DCAF6: variants seen among roughly 807,000 people sequenced by gnomAD.
DCAF6 encodes DDB1 and CUL4 associated factor 6.
DCAF6 carries 54 observed loss-of-function variants against 125.1 expected under a neutral mutation model. The ratio of observed to expected loss-of-function variants is 0.43; its 90% CI spans 0.35 to 0.54. The LOEUF is 0.54. DCAF6 is among the 20% of genes least tolerant of loss of function. The pLI is 0.01. For missense variants in DCAF6, 934 were observed against 1,161.7 expected (o/e 0.80, Z 2.85); for synonymous variants, 371 against 390.4 (o/e 0.95, Z 0.58).
chr1:167,978,894 C>T (rs780281651), intron 4 of DCAF6, among the ~76,000 whole-genome samples: 1 of 152,016 alleles, frequency 6.6e-6, no homozygotes, highest in Non-Finnish European at 1.5e-5. Flanking sequence ...TGGGCTCAAG[C>T]GATCCTCCTG....
intron 18 of DCAF6, among the ~76,000 whole-genome samples, chr1:168,064,726 T>G (rs1692111299): frequency 6.6e-6 from 1 of 152,166 alleles, no homozygotes; most frequent in Non-Finnish European, 1.5e-5. Context: ...GTAGCTCAGA[T>G]AACAATAAAA....
chr1:167,966,047 A>G (rs1227013702), intron 2 of DCAF6, among the ~76,000 whole-genome samples: 1 of 152,160 alleles, frequency 6.6e-6, no homozygotes, highest in African/African-American at 2.4e-5. Context: ...GTTTCTGCTC[A>G]TGAGTCTGTG....
intron 1 of DCAF6, among the ~76,000 whole-genome samples, chr1:167,945,506 T>C (rs2102664557): frequency 6.6e-6 from 1 of 152,300 alleles, no homozygotes; most frequent in South Asian, 2.1e-4. Flanking sequence ...TTTTTTTCTT[T>C]TTTGAGACGG....
intron 10 of DCAF6, among the ~76,000 whole-genome samples, chr1:168,005,030 G>C (rs1683156309): frequency 6.6e-6 from 1 of 152,056 alleles, no homozygotes; most frequent in Non-Finnish European, 1.5e-5. Flanking sequence ...AAAAGTACAA[G>C]TACCAAAAGA....
At chr1:167,874,869 A>G in the DCAF6 span, among the ~76,000 whole-genome samples, 2 of 152,258 alleles carry the variant, frequency 1.3e-5, no homozygotes, top group Non-Finnish European at 1.5e-5. Context: ...TATAAGCCGT[A>G]TATAATTATA....
At chr1:168,051,618 G>A (rs1689950577) in intron 17 of DCAF6, among the ~76,000 whole-genome samples, 1 of 152,124 alleles carries the variant, frequency 6.6e-6, no homozygotes, top group African/African-American at 2.4e-5. Context: ...AGTTGAACAT[G>A]AAACATATAG....
In DCAF6 at chr1:167,937,594, G is replaced by C. The variant is rs556950353; in HGVS notation, c.97+586G>C. On this transcript the variant is annotated intron_variant, in intron 1 of 21. Transcript: ENST00000367840. The stretch of plus-strand genomic sequence containing the variant: ...CCAGTTCCACTCTGCTCTTCAGTTC[G>C]TTTTGACCGCTTAAAGGTGGTGTAG... Among the ~76,000 whole-genome samples, 3 of 152,232 alleles carry C rather than the reference G, an allele frequency of 2.0e-5. No homozygotes were observed. The East Asian group carries it at 5.8e-4, about 29-fold the overall frequency.
At chr1:167,884,143 G>A in the DCAF6 span, among the ~76,000 whole-genome samples, 1 of 152,096 alleles carries the variant, frequency 6.6e-6, no homozygotes, top group South Asian at 2.1e-4. Context: ...TAAAATGTAT[G>A]GTTGTATTAG....
At chr1:168,044,398 G>T (rs1688901906) in intron 14 of DCAF6, among the ~76,000 whole-genome samples, 187 bp from the exon 15 acceptor site, 1 of 152,132 alleles carries the variant, frequency 6.6e-6, no homozygotes, top group South Asian at 2.1e-4. Context: ...CATTTACATT[G>T]CATTAGGTAT....
chr1:167,901,127 G>A, the DCAF6 span, among the ~76,000 whole-genome samples: 1 of 152,098 alleles, frequency 6.6e-6, no homozygotes, highest in South Asian at 2.1e-4. Context: ...TGTAATGTCT[G>A]CAATGTAATA....
At chr1:167,998,085 C>T (rs1251380308) in intron 7 of DCAF6, among the ~76,000 whole-genome samples, 1 of 152,120 alleles carries the variant, frequency 6.6e-6, no homozygotes, top group Non-Finnish European at 1.5e-5. Flanking sequence ...CCCAGATATA[C>T]AGGCTTCTCT....
At chr1:167,884,694 A>ATTT in the DCAF6 span, among the ~76,000 whole-genome samples, 39 of 108,620 alleles carry the variant, frequency 3.6e-4, no homozygotes, top group African/African-American at 1.2e-3. Flanking sequence ...AATCATTTTA[A>ATTT]TTTTTTTTTT....
chr1:167,931,785 T>C (rs1670919226), upstream of DCAF6, among the ~76,000 whole-genome samples: 1 of 152,178 alleles, frequency 6.6e-6, no homozygotes, highest in Non-Finnish European at 1.5e-5. Flanking sequence ...TCTCTTAGCA[T>C]TGAATATAAA....
intron 16 of DCAF6, 31 bp downstream of exon 16, chr1:168,045,258 A>G (rs878921124): frequency 3.9e-6 from 6 of 1,535,248 alleles, no homozygotes; most frequent in Non-Finnish European, 5.3e-6. Context: ...CATGAACTGT[A>G]AAAAATGTAT....
intron 11 of DCAF6, 117 bp downstream of exon 11, chr1:168,016,068 AC>A: frequency 2.3e-6 from 2 of 872,406 alleles, no homozygotes; most frequent in Non-Finnish European, 1.5e-6. Context: ...CTTGCAGCTT[AC>A]CCCTCCTTTC....
At chr1:167,950,448 C>T (rs1336060836) in intron 1 of DCAF6, among the ~76,000 whole-genome samples, 1 of 152,100 alleles carries the variant, frequency 6.6e-6, no homozygotes, top group East Asian at 1.9e-4. Context: ...AGTTTAGAAA[C>T]CATAGAGCAT....
At chr1:167,983,643 T>G (rs1679525611) in intron 4 of DCAF6, among the ~76,000 whole-genome samples, 1 of 152,372 alleles carries the variant, frequency 6.6e-6, no homozygotes, top group South Asian at 2.1e-4. Flanking sequence ...CTTTGGCATG[T>G]GCACATTCTT....
intron 12 of DCAF6, among the ~76,000 whole-genome samples, chr1:168,034,756 TTAAGGGTTTTAAATAA>T (rs1687581141): frequency 6.6e-6 from 1 of 152,188 alleles, no homozygotes; most frequent in Non-Finnish European, 1.5e-5. Context: ...GTTCTAAACC[TTAAGGGTTTTAAATAA>T]AAATCTACCT....
At chr1:167,872,572 A>C in the DCAF6 span, among the ~76,000 whole-genome samples, 1 of 151,920 alleles carries the variant, frequency 6.6e-6, no homozygotes, top group Non-Finnish European at 1.5e-5. Context: ...TACCCTAAAA[A>C]GCCACTATTT....
Sources: gnomAD v4.1 joint callset for allele counts (sites outside exome capture counted in the v4.1 genomes callset) on GRCh38, gnomAD v4.1.1 for gene constraint, MANE v1.5 for transcripts, NCBI Gene and HGNC (gene_info 2026-07-23, HGNC 2026-07-21) for gene names.